ITFG1: variants seen among roughly 807,000 people sequenced by gnomAD.
The protein encoded by ITFG1 is integrin alpha FG-GAP repeat containing 1.
In ITFG1, 34 loss-of-function variants were observed where a neutral mutation model predicts 81.8. That is an observed-to-expected ratio of 0.42 (90% CI 0.32 to 0.55). ITFG1 has a LOEUF of 0.55. Among genes scored for constraint, ITFG1 ranks in the 20% least tolerant of loss-of-function variants. The pLI, the probability that ITFG1 is intolerant of heterozygous loss-of-function variation, is 0.17. For synonymous variants in ITFG1, 285 were observed against 270.6 expected, an observed-to-expected ratio of 1.05 and a Z score of -0.52; for missense variants, 672 against 755.4, an observed-to-expected ratio of 0.89 and a Z score of 1.29.
intron 7 of ITFG1, 104 bp downstream of exon 7, chr16:47,375,772 A>C: frequency 1.3e-6 from 1 of 766,418 alleles, no homozygotes; most frequent in South Asian, 1.5e-5. Flanking sequence ...TTTTCTATTT[A>C]TTGTTGAAAT....
chr16:47,398,505 G>C (rs1968620188), intron 6 of ITFG1, among the ~76,000 whole-genome samples: 1 of 152,176 alleles, frequency 6.6e-6, no homozygotes, highest in Admixed American at 6.5e-5. Flanking sequence ...AAGTTTGTTT[G>C]GATCACTTCA....
chr16:47,170,772 G>A (rs1455808001), intron 14 of ITFG1, among the ~76,000 whole-genome samples: 3 of 119,726 alleles, frequency 2.5e-5, no homozygotes, highest in African/African-American at 1.0e-4. Context: ...GACTCACTCT[G>A]TCACCCAGGC....
At chr16:47,305,505 GA>G (rs1202114130) in intron 10 of ITFG1, among the ~76,000 whole-genome samples, 1 of 151,252 alleles carries the variant, frequency 6.6e-6, no homozygotes, top group Non-Finnish European at 1.5e-5. Flanking sequence ...AATTAACTAA[GA>G]AAAAAAACCT....
intron 8 of ITFG1, among the ~76,000 whole-genome samples, chr16:47,324,942 A>G (rs566593124): frequency 1.3e-5 from 2 of 152,200 alleles, no homozygotes; most frequent in Non-Finnish European, 2.9e-5. Flanking sequence ...GAAAGTCAAA[A>G]GGATACCCAG....
At chr16:47,161,587 T>G in intron 16 of ITFG1, 163 bp downstream of exon 16, 1 of 446,744 alleles carries the variant, frequency 2.2e-6, no homozygotes, top group African/African-American at 2.0e-5. Context: ...CTGGGACCTT[T>G]TATGTAAGTA....
chr16:47,163,820 G>A (rs1241308733), intron 14 of ITFG1, among the ~76,000 whole-genome samples: 1 of 151,912 alleles, frequency 6.6e-6, no homozygotes, highest in Non-Finnish European at 1.5e-5. Flanking sequence ...TGGTTGTGAA[G>A]TGGTATCTCA....
chr16:47,268,622 T>C (rs1236778647), intron 10 of ITFG1, among the ~76,000 whole-genome samples: 1 of 152,218 alleles, frequency 6.6e-6, no homozygotes, highest in Non-Finnish European at 1.5e-5. Context: ...TCAAATTCAA[T>C]AATACAGTCA....
chr16:47,170,363 T>C (rs182524451), intron 14 of ITFG1, among the ~76,000 whole-genome samples: 4 of 152,304 alleles, frequency 2.6e-5, no homozygotes, highest in Admixed American at 2.6e-4. Flanking sequence ...TCTTTACTTG[T>C]TACAGGTAGG....
intron 10 of ITFG1, among the ~76,000 whole-genome samples, chr16:47,292,425 G>C (rs1966919395): frequency 6.6e-6 from 1 of 152,170 alleles, no homozygotes; most frequent in African/African-American, 2.4e-5. Context: ...AAAGACTTTA[G>C]AGTTTCATTT....
At chr16:47,162,789 G>T in intron 14 of ITFG1, 125 bp from the exon 15 acceptor site, 1 of 792,866 alleles carries the variant, frequency 1.3e-6, no homozygotes, top group Non-Finnish European at 2.0e-6. Context: ...AATGTGAAAT[G>T]AAAGATACAG....
chr16:47,409,978 A>C (rs1397611111), intron 6 of ITFG1, among the ~76,000 whole-genome samples: 1 of 152,194 alleles, frequency 6.6e-6, no homozygotes, highest in African/African-American at 2.4e-5. Flanking sequence ...ATTAAAAGAC[A>C]AGAAAAAAAC....
At chr16:47,331,763 C>A (rs956683982) in intron 8 of ITFG1, among the ~76,000 whole-genome samples, 5 of 152,018 alleles carry the variant, frequency 3.3e-5, no homozygotes, top group African/African-American at 1.2e-4. Context: ...TCTCGTCATG[C>A]TAATTTTGAA....
intron 10 of ITFG1, among the ~76,000 whole-genome samples, chr16:47,309,064 ACTT>A (rs1164704065): frequency 4.6e-5 from 7 of 151,000 alleles, no homozygotes; most frequent in Non-Finnish European, 7.4e-5. Flanking sequence ...TATTAACATA[ACTT>A]CTTTTTTTTT....
At chr16:47,224,210 T>C (rs1388622916) in intron 13 of ITFG1, among the ~76,000 whole-genome samples, 1 of 152,138 alleles carries the variant, frequency 6.6e-6, no homozygotes, top group Non-Finnish European at 1.5e-5. Context: ...ACTTAAAGTA[T>C]AATAATAAAT....
Position 47,308,865 on chromosome 16 carries a change from C to T in ITFG1, c.1070+2375G>A, listed in dbSNP as rs1304265638. Among the ~76,000 whole-genome samples, 3 of 152,030 alleles carry T rather than the reference C, an allele frequency of 2.0e-5. No homozygotes were observed. The East Asian group carries it at 5.8e-4, about 29-fold the overall frequency. ...TCAGGTTTTGCTATCCAGTTTCATT[C>T]GTGACTTGCAATGTATTAATAACAA... is the stretch of plus-strand genomic sequence containing the variant. On this transcript the variant is annotated intron_variant, in intron 10 of 17. Coordinates refer to ENST00000320640, the MANE Select transcript of ITFG1 (RefSeq NM_030790.5).
chr16:47,456,805 G>C (rs1969459787), intron 2 of ITFG1, among the ~76,000 whole-genome samples: 1 of 152,026 alleles, frequency 6.6e-6, no homozygotes, highest in Non-Finnish European at 1.5e-5. Context: ...AGTAAATGAG[G>C]AAATTTCTTT....
chr16:47,182,290 C>T (rs1965136188), intron 14 of ITFG1, among the ~76,000 whole-genome samples: 1 of 149,934 alleles, frequency 6.7e-6, no homozygotes, highest in South Asian at 2.1e-4. Context: ...TGGGAGCATA[C>T]ATTAGAGATT....
chr16:47,458,582 GC>G (rs1448058496), intron 2 of ITFG1, among the ~76,000 whole-genome samples: 1 of 152,128 alleles, frequency 6.6e-6, no homozygotes, highest in African/African-American at 2.4e-5. Flanking sequence ...TTCATGCAAT[GC>G]CAACCACAGA....
chr16:47,240,283 G>C (rs916062251), intron 12 of ITFG1, among the ~76,000 whole-genome samples: 1 of 136,954 alleles, frequency 7.3e-6, no homozygotes, highest in Non-Finnish European at 1.5e-5. Context: ...GTGACAGATG[G>C]AGATCCTGTC....
Sources: allele counts gnomAD v4.1 joint callset (sites outside exome capture counted in the v4.1 genomes callset), GRCh38; gene constraint gnomAD v4.1.1; transcripts MANE v1.5; gene names NCBI Gene and HGNC (gene_info 2026-07-23, HGNC 2026-07-21).